The following PRKAG2 variants were observed in gnomAD, a reference collection of about 807,000 sequenced individuals.
PRKAG2 encodes the protein protein kinase AMP-activated non-catalytic subunit gamma 2, also known as 5'-AMP-activated protein kinase subunit gamma-2.
Under a neutral mutation model 69.6 loss-of-function variants are expected in PRKAG2, and 26 were observed. That is an observed-to-expected ratio of 0.37 (90% CI 0.27 to 0.52). PRKAG2 has a LOEUF of 0.52. Among genes scored for constraint, PRKAG2 ranks in the 20% least tolerant of loss-of-function variants. The pLI, the probability that PRKAG2 is intolerant of heterozygous loss-of-function variation, is 0.90. For missense variants in PRKAG2, 557 were observed against 740.0 expected (o/e 0.75, Z 2.87); for synonymous variants, 293 against 285.0 (o/e 1.03, Z -0.28).
At chr7:151,864,453 C>T (rs542628819) in intron 1 of PRKAG2, among the ~76,000 whole-genome samples, 2 of 152,328 alleles carry the variant, frequency 1.3e-5, no homozygotes, top group South Asian at 4.1e-4. Flanking sequence ...TCCTCTGCGC[C>T]ACTTCCACAC....
chr7:151,576,279 G>A, intron 7 of PRKAG2, 92 bp downstream of exon 7: 1 of 1,164,790 alleles, frequency 8.6e-7, no homozygotes. Flanking sequence ...TGTTTACTAG[G>A]TTGAATTCCA....
chr7:151,813,012 T>C (rs1443694747), intron 1 of PRKAG2, among the ~76,000 whole-genome samples: 1 of 151,490 alleles, frequency 6.6e-6, no homozygotes, highest in Admixed American at 6.6e-5. Context: ...GGGAAGCAGC[T>C]GGAAGGTGAG....
intron 4 of PRKAG2, among the ~76,000 whole-genome samples, chr7:151,655,252 C>T (rs909076745): frequency 1.3e-5 from 2 of 152,170 alleles, no homozygotes; most frequent in Non-Finnish European, 2.9e-5. Context: ...AGGTATTTGG[C>T]CCAAAAGTAC....
chr7:151,795,015 T>C (rs1563687713), intron 1 of PRKAG2, among the ~76,000 whole-genome samples: 2 of 152,152 alleles, frequency 1.3e-5, no homozygotes, highest in Non-Finnish European at 2.9e-5. Flanking sequence ...CTCAGGGGCT[T>C]GTGCTGTGGG....
At chr7:151,643,577 A>C (rs1427536676) in intron 4 of PRKAG2, among the ~76,000 whole-genome samples, 1 of 152,220 alleles carries the variant, frequency 6.6e-6, no homozygotes, top group African/African-American at 2.4e-5. Context: ...AAGGAAGTAC[A>C]ATATTCCAGC....
chr7:151,659,898 C>T (rs975449512), intron 4 of PRKAG2, among the ~76,000 whole-genome samples: 4 of 152,154 alleles, frequency 2.6e-5, no homozygotes, highest in Admixed American at 1.3e-4. Context: ...ACGGCTCATG[C>T]GAAATTATTT....
chr7:151,625,128 C>T (rs1822534611), intron 5 of PRKAG2, among the ~76,000 whole-genome samples: 1 of 152,146 alleles, frequency 6.6e-6, no homozygotes, highest in African/African-American at 2.4e-5. Flanking sequence ...GAAGTGCGTC[C>T]CCCTAACAGC....
chr7:151,822,172 A>C (rs1393431259), intron 1 of PRKAG2, among the ~76,000 whole-genome samples: 1 of 152,166 alleles, frequency 6.6e-6, no homozygotes, highest in Non-Finnish European at 1.5e-5. Context: ...CCAGAAACAG[A>C]CACCTGCAGC....
At chr7:151,846,200 C>G (rs571913232) in intron 1 of PRKAG2, among the ~76,000 whole-genome samples, 1 of 152,170 alleles carries the variant, frequency 6.6e-6, no homozygotes, top group East Asian at 1.9e-4. Flanking sequence ...TAAGGCCGGG[C>G]GCGGTGGTTC....
At chr7:151,837,070 G>T (rs980206102) in intron 1 of PRKAG2, among the ~76,000 whole-genome samples, 1 of 152,146 alleles carries the variant, frequency 6.6e-6, no homozygotes, top group Non-Finnish European at 1.5e-5. Context: ...ACACCACACC[G>T]TGCACAGCCG....
intron 6 of PRKAG2, among the ~76,000 whole-genome samples, chr7:151,593,311 C>T (rs1813688838): frequency 6.6e-6 from 1 of 152,186 alleles, no homozygotes; most frequent in African/African-American, 2.4e-5. Flanking sequence ...CCTCAGCCTC[C>T]CGAGTAGCTG....
intron 3 of PRKAG2, among the ~76,000 whole-genome samples, chr7:151,678,996 T>C (rs1585706837): frequency 6.6e-6 from 1 of 151,824 alleles, no homozygotes; most frequent in Non-Finnish European, 1.5e-5. Flanking sequence ...AGTAGAATAT[T>C]TTCCCCCAAA....
At chr7:151,714,274 G>A (rs1563502689) in intron 3 of PRKAG2, among the ~76,000 whole-genome samples, 2 of 151,556 alleles carry the variant, frequency 1.3e-5, no homozygotes. Flanking sequence ...AAGCCTTGAG[G>A]AAAATGTGTG....
chr7:151,826,087 C>A (rs17567084), intron 1 of PRKAG2, among the ~76,000 whole-genome samples: 27,543 of 151,976 alleles, frequency 0.18, 3,078 homozygotes, highest in Middle Eastern at 0.26. Flanking sequence ...AGTTGGTATG[C>A]AAAGCTGTGC....
intron 4 of PRKAG2, among the ~76,000 whole-genome samples, chr7:151,671,609 G>A (rs937515490): frequency 7.2e-5 from 11 of 152,330 alleles, no homozygotes; most frequent in Admixed American, 4.6e-4. Flanking sequence ...GTTGAATAGC[G>A]TCCTCTGAAA....
At position 151,835,447 on chromosome 7, in the gene PRKAG2, G is replaced by T. The variant is rs542861508; in HGVS notation, c.114+41060C>A. On this transcript the variant is annotated intron_variant, in intron 1 of 15. Transcript: ENST00000287878. The surrounding 1 kb of genome is among the most constrained non-coding windows in gnomAD (Gnocchi z 4.1). ...TGGCTCAAGTGATCCTCCCACCTCG[G>T]CCCCACAAAGTGCTGGGATTACAGG... is the stretch of plus-strand genomic sequence containing the variant. Among the ~76,000 whole-genome samples, 55 of 152,080 alleles carry T rather than the reference G, an allele frequency of 3.6e-4. No individual in the cohort carries two copies. Among genetic ancestry groups the T allele is most frequent in the African/African-American group, 1.3e-3 (53 of 41,492 alleles).
intron 3 of PRKAG2, among the ~76,000 whole-genome samples, chr7:151,774,774 T>C (rs1358667452): frequency 6.6e-6 from 1 of 152,052 alleles, no homozygotes; most frequent in Non-Finnish European, 1.5e-5. Context: ...GCCATTGCAC[T>C]CCAGCCTGGT....
chr7:151,863,319 C>T (rs2079983718), intron 1 of PRKAG2, among the ~76,000 whole-genome samples: 9 of 151,974 alleles, frequency 5.9e-5, no homozygotes, highest in Admixed American at 5.9e-4. Context: ...TGAGACTTGC[C>T]CTCACCCGAC....
At chr7:151,657,737 G>C (rs890911828) in intron 4 of PRKAG2, among the ~76,000 whole-genome samples, 17 of 152,202 alleles carry the variant, frequency 1.1e-4, no homozygotes, top group African/African-American at 3.9e-4. Context: ...ACACCAGGCA[G>C]AAGAGACTAA....
Sources: gnomAD v4.1 joint callset for allele counts (sites outside exome capture counted in the v4.1 genomes callset) on GRCh38, gnomAD v4.1.1 for gene constraint, Gnocchi (gnomAD v3.1) non-coding constraint, MANE v1.5 for transcripts, NCBI Gene and HGNC (gene_info 2026-07-23, HGNC 2026-07-21) for gene names.